The following VMP1 variants were observed in gnomAD, a reference collection of about 807,000 sequenced individuals.
The protein encoded by VMP1 is vacuole membrane protein 1, also known as ectopic P-granules autophagy protein 3 homolog.
A neutral mutation model predicts 56.0 loss-of-function variants in VMP1; 11 were observed. That is an observed-to-expected ratio of 0.20 (90% confidence interval 0.12 to 0.32). VMP1 has a LOEUF of 0.32. VMP1 is among the 10% of genes least tolerant of loss of function. VMP1 has a pLI of 1.00. For missense variants in VMP1, 296 were observed against 490.3 expected (o/e 0.60, Z 3.74); for synonymous variants, 149 against 165.0 (o/e 0.90, Z 0.74).
At chr17:59,754,787 C>T (rs1298862784) in intron 5 of VMP1, among the ~76,000 whole-genome samples, 2 of 152,132 alleles carry the variant, frequency 1.3e-5, no homozygotes, top group African/African-American at 4.8e-5. Flanking sequence ...CTCTGCTGAG[C>T]ATCACCACAT....
chr17:59,767,782 A>C (rs530347432), intron 6 of VMP1, among the ~76,000 whole-genome samples: 1 of 152,306 alleles, frequency 6.6e-6, no homozygotes, highest in South Asian at 2.1e-4. Flanking sequence ...GATCCTAAAA[A>C]ATATTAAATA....
chr17:59,723,326 T>C (rs2034470143), intron 1 of VMP1, among the ~76,000 whole-genome samples: 1 of 152,018 alleles, frequency 6.6e-6, no homozygotes, highest in African/African-American at 2.4e-5. Flanking sequence ...AGGGAGAGAA[T>C]ATAAAGGAAC....
intron 10 of VMP1, among the ~76,000 whole-genome samples, chr17:59,820,636 T>C (rs141551771): frequency 3.1e-4 from 47 of 152,364 alleles, no homozygotes; most frequent in African/African-American, 1.1e-3. Flanking sequence ...GTTATATTGT[T>C]ACACTTATGT....
rs780806793 is a variant in VMP1, at chr17:59,715,491, C to T, written c.-27+7743C>T. Among the ~76,000 whole-genome samples the T allele has an allele frequency of 9.2e-5, 14 of 152,130 alleles. 1 individual carries two copies. The highest frequency in any genetic ancestry group is 7.9e-4 in the Admixed American group (12 of 15,264). ...TATCATGAGAACAGCATGGGGGAAACGGCCCCCATGATCCAATCACCTCCC... is the reference window on the plus strand; with the variant it reads ...TATCATGAGAACAGCATGGGGGAAATGGCCCCCATGATCCAATCACCTCCC... On this transcript the variant is annotated intron_variant, in intron 1 of 11. Coordinates refer to ENST00000262291, the MANE Select transcript of VMP1 (RefSeq NM_030938.5).
chr17:59,782,464 G>A (rs1304576326), intron 7 of VMP1, among the ~76,000 whole-genome samples: 1 of 151,852 alleles, frequency 6.6e-6, no homozygotes, highest in African/African-American at 2.4e-5. Context: ...AAAGATACTG[G>A]GTTCTTATTT....
intron 7 of VMP1, among the ~76,000 whole-genome samples, chr17:59,806,589 C>T (rs1030639759): frequency 3.3e-5 from 5 of 151,986 alleles, no homozygotes; most frequent in African/African-American, 1.2e-4. Flanking sequence ...ATGGCGGGCG[C>T]CTGTAATCCC....
At chr17:59,814,894 G>T (rs751499674) in intron 9 of VMP1, among the ~76,000 whole-genome samples, 3 of 152,148 alleles carry the variant, frequency 2.0e-5, no homozygotes, top group Non-Finnish European at 4.4e-5. Context: ...TGTACATCCA[G>T]ATGTAGCTTA....
chr17:59,808,245 C>A (rs143261616), intron 7 of VMP1, among the ~76,000 whole-genome samples: 4 of 152,192 alleles, frequency 2.6e-5, no homozygotes, highest in Admixed American at 6.5e-5. Flanking sequence ...ATAATAATAT[C>A]CACTATACCT....
intron 7 of VMP1, among the ~76,000 whole-genome samples, chr17:59,801,091 A>T (rs190486183): frequency 0.099 from 10,772 of 108,672 alleles, 828 homozygotes; most frequent in African/African-American, 0.2. Flanking sequence ...AAAAAAAAAA[A>T]ATATATATAT....
chr17:59,813,831 C>A (rs2038135813), intron 9 of VMP1, among the ~76,000 whole-genome samples: 1 of 152,102 alleles, frequency 6.6e-6, no homozygotes, highest in Non-Finnish European at 1.5e-5. Flanking sequence ...GAATGCAGTG[C>A]CTTTCTATAA....
intron 10 of VMP1, among the ~76,000 whole-genome samples, chr17:59,829,111 G>A (rs758952932): frequency 4.6e-5 from 7 of 152,084 alleles, no homozygotes; most frequent in East Asian, 1.9e-4. Flanking sequence ...GCCAGACTCC[G>A]TCTCCAAAAA....
chr17:59,829,532 G>A (rs2144314522), intron 10 of VMP1, among the ~76,000 whole-genome samples: 1 of 152,276 alleles, frequency 6.6e-6, no homozygotes. Flanking sequence ...AATACTGTGA[G>A]AATCTTTATC....
intron 7 of VMP1, among the ~76,000 whole-genome samples, chr17:59,777,059 G>A (rs6503941): frequency 0.87 from 131,611 of 152,128 alleles, 57,128 homozygotes; most frequent in East Asian, 0.96. Flanking sequence ...ACACAAATAA[G>A]ATTATATCAA....
intron 7 of VMP1, among the ~76,000 whole-genome samples, chr17:59,780,648 G>A (rs1009418896): frequency 6.6e-5 from 10 of 151,960 alleles, no homozygotes; most frequent in Non-Finnish European, 1.3e-4. Context: ...ATGTAGTGGC[G>A]CCATCTCAGC....
chr17:59,765,380 G>T (rs1048623961), intron 6 of VMP1, among the ~76,000 whole-genome samples: 18 of 152,178 alleles, frequency 1.2e-4, no homozygotes, highest in Admixed American at 6.5e-4. Flanking sequence ...CTCCAGCAGG[G>T]CAAGGGAGTA....
chr17:59,812,694 A>G (rs1048373759), intron 9 of VMP1, among the ~76,000 whole-genome samples: 3 of 152,210 alleles, frequency 2.0e-5, no homozygotes, highest in Non-Finnish European at 4.4e-5. Flanking sequence ...GCACTTTGGG[A>G]GGCTGAAGTG....
Position 59,787,747 on chromosome 17 carries a change from G to A in VMP1, c.714+13862G>A, listed in dbSNP as rs149236926. Reference sequence around the variant, plus strand: ...GAGGCAAGAGAATTGCTTGAACCAGGGAGGCAGAGGATGCAGTGAGCCGAG... The same window carrying A: ...GAGGCAAGAGAATTGCTTGAACCAGAGAGGCAGAGGATGCAGTGAGCCGAG... On this transcript the variant is annotated intron_variant, in intron 7 of 11. Transcript: ENST00000262291. Among the ~76,000 whole-genome samples the A allele has an allele frequency of 1.2e-4, 19 of 152,158 alleles. No homozygotes were observed. The East Asian group carries it at 3.5e-3, about 28-fold the overall frequency.
intron 5 of VMP1, 99 bp downstream of exon 5, chr17:59,739,046 A>C: frequency 1.1e-6 from 1 of 937,640 alleles, no homozygotes; most frequent in Admixed American, 3.1e-5. Flanking sequence ...TGTTTTAATT[A>C]CCTTTGTGTT....
At chr17:59,834,894 G>A (rs2038930869) in intron 10 of VMP1, among the ~76,000 whole-genome samples, 1 of 151,240 alleles carries the variant, frequency 6.6e-6, no homozygotes, top group African/African-American at 2.5e-5. Context: ...AAAGTGCTAG[G>A]ATTACAGGTG....
Sources: gnomAD v4.1 joint callset for allele counts (sites outside exome capture counted in the v4.1 genomes callset) on GRCh38, gnomAD v4.1.1 for gene constraint, MANE v1.5 for transcripts, NCBI Gene and HGNC (gene_info 2026-07-23, HGNC 2026-07-21) for gene names.